The following CDH5 variants were observed in gnomAD, a reference collection of about 807,000 sequenced individuals.
CDH5 encodes cadherin-5.
Under a neutral mutation model 62.0 loss-of-function variants are expected in CDH5, and 28 were observed. That is an observed-to-expected ratio of 0.45 (90% CI 0.33 to 0.62). CDH5 has a LOEUF of 0.62. Among genes scored for constraint, CDH5 ranks in the 20% least tolerant of loss-of-function variants. The pLI is 0.02. For synonymous variants in CDH5, 464 were observed against 445.8 expected, an observed-to-expected ratio of 1.04 and a Z score of -0.52; for missense variants, 940 against 1,065.1, an observed-to-expected ratio of 0.88 and a Z score of 1.63.
chr16:66,389,534 C>T lies in CDH5; in HGVS notation c.781+12C>T, dbSNP rs1961046254. On this transcript the variant is annotated intron_variant, in intron 5 of 11. Coordinates refer to ENST00000341529, the MANE Select transcript of CDH5 (RefSeq NM_001795.5). ...CTTCTTCACCCAGAGTGAGCCCCTC[C>T]TCTAGGGCCCTGGGAAGGGGGGCTG... 1 of 1,553,542 alleles carries T rather than the reference C, an allele frequency of 6.4e-7. No individual in the cohort carries two copies. Among genetic ancestry groups the T allele is most frequent in the Non-Finnish European group, 8.7e-7 (1 of 1,145,352 alleles).
At chr16:66,402,631 T>C (rs1267509756) in intron 11 of CDH5, 21 bp from the exon 12 acceptor site, 4 of 1,545,108 alleles carry the variant, frequency 2.6e-6, no homozygotes, top group Middle Eastern at 4.8e-4. Context: ...CTGACTCTGC[T>C]GCTCGGCTCC....
rs752735186 is a variant in CDH5 at position 66,389,411 on chromosome 16, G to A, written c.670G>A (p.Glu224Lys). 2 of 1,613,536 alleles carry A rather than the reference G, an allele frequency of 1.2e-6. No homozygotes were observed. The highest frequency in any genetic ancestry group is 2.7e-5 in the African/African-American group (2 of 74,912). ...SLDREKQARY[E>K]IVVEARDAQG... ...GGACCGAGAGAAGCAGGCCAGGTAT[G>A]AGATCGTGGTGGAAGCGCGAGATGC... Residue 224 changes from glutamate to lysine, a missense_variant, in exon 5 of 12, where the codon GAG becomes AAG. Transcript: ENST00000341529.
At chr16:66,380,396 A>G (rs1960874204) in intron 2 of CDH5, among the ~76,000 whole-genome samples, 1 of 142,894 alleles carries the variant, frequency 7.0e-6, no homozygotes, top group African/African-American at 2.8e-5. Context: ...GACGATGGTG[A>G]TGATGGTGGT....
rs772939635 is a variant in CDH5 at position 66,402,956 on chromosome 16, C to A, written c.2142C>A (p.Asp714Glu). 2 of 1,612,792 alleles carry A rather than the reference C, an allele frequency of 1.2e-6. No homozygotes were observed. Among genetic ancestry groups the A allele is most frequent in the Admixed American group, 3.3e-5 (2 of 60,006 alleles). ...CAGCCATGATCGAGGTGAAGAAGGA[C>A]GAGGCGGACCACGACGGCGACGGCC... ...EMAAMIEVKK[D>E]EADHDGDGPP... The change falls in exon 12 of 12, where the codon GAC becomes GAA. Residue 714 changes from aspartate to glutamate, a missense_variant. By Grantham distance (45) the Asp-to-Glu change is conservative. Transcript: ENST00000341529.
At chr16:66,385,061 CCCTCTGTACT>C (rs1234112398) in intron 2 of CDH5, among the ~76,000 whole-genome samples, 6 of 152,156 alleles carry the variant, frequency 3.9e-5, no homozygotes, top group African/African-American at 1.4e-4. Flanking sequence ...GGGATCTGTA[CCCTCTGTACT>C]CCTAGTGGGG....
chr16:66,374,163 G>A (rs1023001395), intron 1 of CDH5, among the ~76,000 whole-genome samples: 5 of 152,200 alleles, frequency 3.3e-5, no homozygotes, highest in Non-Finnish European at 7.3e-5. Flanking sequence ...TTGTTGCAAG[G>A]TTTAAATAAA....
Position 66,403,112 on chromosome 16 carries a change from G to C in CDH5, c.2298G>C (p.Arg766Ser). 6.2e-7 allele frequency: 1 copy of C among 1,613,694 alleles called. No individual in the cohort carries two copies. The highest frequency in any genetic ancestry group is 8.5e-7 in the Non-Finnish European group (1 of 1,179,950). ...ACTTCCTTAACGACTGGGGACCCAG[G>C]TTTAAGATGCTGGCTGAGCTGTACG... ...DYDFLNDWGP[R>S]FKMLAELYGS... Residue 766 changes from arginine (R) to serine (S), a missense_variant, in exon 12 of 12, where the codon AGG becomes AGC. Arg to Ser is a moderately radical substitution (Grantham distance 110). Coordinates refer to ENST00000341529, the MANE Select transcript of CDH5 (RefSeq NM_001795.5). This position sits in a 1 kb window ranked among gnomAD's most constrained non-coding sequence, Gnocchi z 4.3.
chr16:66,401,023 G>T lies in CDH5; in HGVS notation c.1837+7G>T, dbSNP rs772488419. The T allele has an allele frequency of 3.1e-6, 5 of 1,613,804 alleles. No homozygotes were observed. The South Asian group carries it at 5.5e-5, about 18-fold the overall frequency. ...TGCATCCTCACCATCACAGGTCAGT[G>T]CTGGGCAGGGTGGGGAGAAGACACA... On this transcript the variant is annotated splice_region_variant and intron_variant, in intron 11 of 11. Transcript: ENST00000341529.
Position 66,389,525 on chromosome 16 carries a change from G to A in CDH5, c.781+3G>A. On this transcript the variant is annotated splice_donor_region_variant and intron_variant, in intron 5 of 11. Coordinates refer to ENST00000341529, the MANE Select transcript of CDH5 (RefSeq NM_001795.5). The stretch of plus-strand genomic sequence containing the variant: ...CAACTTCCCCTTCTTCACCCAGAGT[G>A]AGCCCCTCCTCTAGGGCCCTGGGAA... 6.3e-7 allele frequency: 1 copy of A among 1,581,796 alleles called. No homozygotes were observed. Among genetic ancestry groups the A allele is most frequent in the Non-Finnish European group, 8.6e-7 (1 of 1,159,294 alleles).
chr16:66,403,393 G>C lies in CDH5; in HGVS notation c.*224G>C, dbSNP rs534822829. On this transcript the variant is annotated 3_prime_UTR_variant, in exon 12 of 12. Transcript: ENST00000341529. The surrounding 1 kb of genome is among the most constrained non-coding windows in gnomAD (Gnocchi z 4.3). ...CTATTCTCAAATGCTGGCAAATCCA[G>C]GCTGGTGTTCTGTCTGGGCTCAGAC... The C allele has an allele frequency of 4.7e-5, 27 of 572,342 alleles. No individual in the cohort carries two copies. Among genetic ancestry groups the C allele is most frequent in the African/African-American group, 4.5e-4 (24 of 53,426 alleles). 35.5% of individuals were successfully genotyped at this position (572,342 alleles called of 1,614,324 possible).
chr16:66,379,201 TTG>T, intron 1 of CDH5, 116 bp from the exon 2 acceptor site: 1 of 740,136 alleles, frequency 1.4e-6, no homozygotes, highest in Non-Finnish European at 2.3e-6. Flanking sequence ...TACCCGCAGA[TTG>T]TGTTTGCCCC....
At chr16:66,376,981 C>G (rs1960798657) in intron 1 of CDH5, among the ~76,000 whole-genome samples, 1 of 152,200 alleles carries the variant, frequency 6.6e-6, no homozygotes, top group Non-Finnish European at 1.5e-5. Flanking sequence ...GCCCAGAGCC[C>G]TGAGAACTCT....
At chr16:66,372,230 A>T (rs1362906121) in intron 1 of CDH5, among the ~76,000 whole-genome samples, 5 of 152,192 alleles carry the variant, frequency 3.3e-5, no homozygotes, top group African/African-American at 9.7e-5. Flanking sequence ...ATTTTTCACC[A>T]CATGACCGGC....
At chr16:66,383,962 G>C (rs1248243616) in intron 2 of CDH5, among the ~76,000 whole-genome samples, 1 of 151,890 alleles carries the variant, frequency 6.6e-6, no homozygotes, top group African/African-American at 2.4e-5. Flanking sequence ...TGACTGCACT[G>C]CTGCTAAACC....
rs116277471 is a variant in CDH5, at chr16:66,376,899, C to A, written c.-19-2420C>A. 4.5e-3 allele frequency among the ~76,000 whole-genome samples: 691 copies of A among 152,326 alleles called. 4 individuals are homozygous for A. The highest frequency in any genetic ancestry group is 0.016 in the African/African-American group (651 of 41,570). On this transcript the variant is annotated intron_variant, in intron 1 of 11. Transcript: ENST00000341529. The stretch of plus-strand genomic sequence containing the variant: ...TTACTGCGGCACCCCCATTGCCTAG[C>A]ATGGAGCCCATCATGCAGTAGGCAC...
chr16:66,375,779 T>C (rs1342276928), intron 1 of CDH5, among the ~76,000 whole-genome samples: 4 of 151,034 alleles, frequency 2.6e-5, no homozygotes, highest in Admixed American at 1.3e-4. Flanking sequence ...ACTATTAGGG[T>C]AGTGCAAAAG....
At chr16:66,388,882 G>A (rs780122218) in intron 4 of CDH5, among the ~76,000 whole-genome samples, 2 of 152,130 alleles carry the variant, frequency 1.3e-5, no homozygotes, top group Non-Finnish European at 2.9e-5. Flanking sequence ...TAGCTGTAAA[G>A]TTTGAGTTAG....
chr16:66,384,330 G>C (rs1325264418), intron 2 of CDH5, among the ~76,000 whole-genome samples: 2 of 151,052 alleles, frequency 1.3e-5, no homozygotes, highest in African/African-American at 4.9e-5. Flanking sequence ...CTGACCTCAA[G>C]TGATCCACCC....
intron 2 of CDH5, among the ~76,000 whole-genome samples, chr16:66,379,842 A>AGGT (rs1960857094): frequency 6.7e-6 from 1 of 149,334 alleles, no homozygotes; most frequent in African/African-American, 2.5e-5. Context: ...ATAAAGGGGT[A>AGGT]GGTGGTGGTT....
Sources: gnomAD v4.1 joint callset for allele counts (sites outside exome capture counted in the v4.1 genomes callset) on GRCh38, gnomAD v4.1.1 for gene constraint, Gnocchi (gnomAD v3.1) non-coding constraint, MANE v1.5 for transcripts, NCBI Gene and HGNC (gene_info 2026-07-23, HGNC 2026-07-21) for gene names.